Variants in TMEM108 observed in about 807,000 individuals in gnomAD.
TMEM108 encodes transmembrane protein 108, also known as cancer/testis antigen 124.
A neutral mutation model predicts 35.1 loss-of-function variants in TMEM108; 12 were observed. The observed-to-expected ratio is 0.34, with a 90% confidence interval of 0.22 to 0.55. The LOEUF (loss-of-function observed/expected upper bound fraction) is 0.55, where lower values mean the gene tolerates loss of function less well. Among genes scored for constraint, TMEM108 ranks in the 20% least tolerant of loss-of-function variants. The pLI, the probability that TMEM108 is intolerant of heterozygous loss-of-function variation, is 0.89. For synonymous variants in TMEM108, 287 were observed against 308.6 expected, an observed-to-expected ratio of 0.93 and a Z score of 0.73; for missense variants, 680 against 753.3, an observed-to-expected ratio of 0.90 and a Z score of 1.14.
At chr3:133,083,245 A>G (rs1943838684) in intron 2 of TMEM108, among the ~76,000 whole-genome samples, 1 of 134,360 alleles carries the variant, frequency 7.4e-6, no homozygotes, top group South Asian at 2.3e-4. Flanking sequence ...TGTATCCTGT[A>G]CATGCCTCTG....
intron 3 of TMEM108, among the ~76,000 whole-genome samples, chr3:133,261,406 C>T (rs1946620846): frequency 6.6e-6 from 1 of 152,134 alleles, no homozygotes; most frequent in African/African-American, 2.4e-5. Context: ...GCAGTAATAA[C>T]TTAGACCCTT....
chr3:133,107,324 T>A (rs1944164326), intron 2 of TMEM108, among the ~76,000 whole-genome samples: 1 of 152,184 alleles, frequency 6.6e-6, no homozygotes, highest in African/African-American at 2.4e-5. Flanking sequence ...ATTTTTAATC[T>A]TTTTCTAATT....
At chr3:133,084,432 G>A (rs78623776) in intron 2 of TMEM108, among the ~76,000 whole-genome samples, 2,246 of 152,262 alleles carry the variant, frequency 0.015, 22 homozygotes, top group South Asian at 0.025. Context: ...GTAGGGTGCT[G>A]TGCACATATC....
intron 3 of TMEM108, among the ~76,000 whole-genome samples, chr3:133,365,111 G>A (rs546057426): frequency 8.5e-5 from 13 of 152,348 alleles, no homozygotes; most frequent in African/African-American, 2.9e-4. Flanking sequence ...GGCAATAGCT[G>A]AAGAGAAGTT....
At chr3:133,340,758 G>A (rs2071638207) in intron 3 of TMEM108, among the ~76,000 whole-genome samples, 1 of 151,574 alleles carries the variant, frequency 6.6e-6, no homozygotes, top group Non-Finnish European at 1.5e-5. Flanking sequence ...GGGATGCAAG[G>A]ATAATGCACA....
At chr3:133,386,212 G>C (rs2073144983) in intron 4 of TMEM108, among the ~76,000 whole-genome samples, 1 of 152,230 alleles carries the variant, frequency 6.6e-6, no homozygotes, top group Non-Finnish European at 1.5e-5. Flanking sequence ...TAAAATCAGA[G>C]ATGATGCATG....
At chr3:133,152,243 ATTC>A (rs1944812468) in intron 2 of TMEM108, among the ~76,000 whole-genome samples, 1 of 152,208 alleles carries the variant, frequency 6.6e-6, no homozygotes, top group Non-Finnish European at 1.5e-5. Context: ...GCAATAGCAT[ATTC>A]TTGTGCAAAC....
At chr3:133,289,212 C>T (rs1218412182) in intron 3 of TMEM108, among the ~76,000 whole-genome samples, 2 of 151,998 alleles carry the variant, frequency 1.3e-5, no homozygotes, top group African/African-American at 4.8e-5. Context: ...ATCATTTTAT[C>T]CTGCACACTT....
chr3:133,111,585 A>C (rs914430773), intron 2 of TMEM108, among the ~76,000 whole-genome samples: 1 of 152,128 alleles, frequency 6.6e-6, no homozygotes, highest in Non-Finnish European at 1.5e-5. Flanking sequence ...ATATATATGC[A>C]CAATACATTG....
At chr3:133,181,224 A>G (rs139292715) in intron 2 of TMEM108, among the ~76,000 whole-genome samples, 18 of 152,194 alleles carry the variant, frequency 1.2e-4, no homozygotes, top group African/African-American at 3.1e-4. Flanking sequence ...AAAAGTATAG[A>G]GGAGGCTCAT....
chr3:133,162,479 T>C (rs1455925706), intron 2 of TMEM108, among the ~76,000 whole-genome samples: 1 of 152,198 alleles, frequency 6.6e-6, no homozygotes, highest in African/African-American at 2.4e-5. Flanking sequence ...ATTCCTAAAG[T>C]GGGAGTCAGA....
chr3:133,234,747 T>C (rs367844755), intron 3 of TMEM108, among the ~76,000 whole-genome samples: 2 of 152,106 alleles, frequency 1.3e-5, no homozygotes, highest in East Asian at 3.9e-4. Flanking sequence ...GAAGTTCTGG[T>C]CAGGGCAATT....
chr3:133,165,709 C>A (rs141580819), intron 2 of TMEM108, among the ~76,000 whole-genome samples: 74 of 152,266 alleles, frequency 4.9e-4, no homozygotes, highest in African/African-American at 1.7e-3. Context: ...AGACCCACTT[C>A]GGAGGAGGTG....
At chr3:133,232,925 T>C (rs1946174728) in intron 3 of TMEM108, among the ~76,000 whole-genome samples, 1 of 152,162 alleles carries the variant, frequency 6.6e-6, no homozygotes, top group Non-Finnish European at 1.5e-5. Flanking sequence ...TTCATTTTTC[T>C]TTCTGAGACC....
At chr3:133,113,737 T>C (rs527529071) in intron 2 of TMEM108, among the ~76,000 whole-genome samples, 2 of 152,304 alleles carry the variant, frequency 1.3e-5, no homozygotes, top group East Asian at 1.9e-4. Context: ...TTATTCGTTT[T>C]CTCACTGATG....
chr3:133,345,946 C>T (rs1312981946), intron 3 of TMEM108, among the ~76,000 whole-genome samples: 1 of 151,916 alleles, frequency 6.6e-6, no homozygotes, highest in Admixed American at 6.6e-5. Context: ...GGATCTTCCA[C>T]GTCTTTTTGT....
chr3:133,395,217 C>T (rs1057504300), intron 5 of TMEM108, among the ~76,000 whole-genome samples: 1 of 152,202 alleles, frequency 6.6e-6, no homozygotes, highest in Non-Finnish European at 1.5e-5. Flanking sequence ...ACTTATTATG[C>T]AGTCACACAG....
At chr3:133,085,116 T>A (rs1943865080) in intron 2 of TMEM108, among the ~76,000 whole-genome samples, 1 of 152,246 alleles carries the variant, frequency 6.6e-6, no homozygotes, top group Non-Finnish European at 1.5e-5. Flanking sequence ...GCTTTTTATA[T>A]TTTTAAATCT....
chr3:133,387,162 A>G (rs1045840300), intron 4 of TMEM108: 1 of 985,326 alleles, frequency 1.0e-6, no homozygotes, highest in Admixed American at 6.1e-5. Flanking sequence ...GGATGTTGGG[A>G]GAACAAGAAG....
Sources: gnomAD v4.1 joint callset for allele counts (sites outside exome capture counted in the v4.1 genomes callset) on GRCh38, gnomAD v4.1.1 for gene constraint, MANE v1.5 for transcripts, NCBI Gene and HGNC (gene_info 2026-07-23, HGNC 2026-07-21) for gene names.